Variants in NEDD4 observed in about 807,000 individuals in gnomAD.
NEDD4 encodes E3 ubiquitin-protein ligase NEDD4.
NEDD4 carries 99 observed loss-of-function variants against 144.9 expected under a neutral mutation model. The ratio of observed to expected loss-of-function variants is 0.68; its 90% CI spans 0.58 to 0.81. The LOEUF (loss-of-function observed/expected upper bound fraction) is 0.81, where lower values mean the gene tolerates loss of function less well. NEDD4 is among the 30% of genes least tolerant of loss of function. NEDD4 has a pLI of 0.00. For missense variants in NEDD4, 985 were observed against 1,065.9 expected (o/e 0.92, Z 1.06); for synonymous variants, 318 against 350.6 (o/e 0.91, Z 1.04).
chr15:55,912,598 T>C (rs1410934978), intron 5 of NEDD4, among the ~76,000 whole-genome samples: 1 of 151,964 alleles, frequency 6.6e-6, no homozygotes, highest in Non-Finnish European at 1.5e-5. Context: ...ACATAGGAGA[T>C]TTAGAAAACA....
chr15:55,852,743 TGAGA>T (rs150677409), intron 12 of NEDD4, among the ~76,000 whole-genome samples, 200 bp from the exon 13 acceptor site: 4 of 139,504 alleles, frequency 2.9e-5, no homozygotes, highest in Middle Eastern at 3.8e-3. Context: ...TCTGAGAGAG[TGAGA>T]GAGAGAGAGA....
At chr15:55,952,958 C>G (rs1287026399) in intron 2 of NEDD4, among the ~76,000 whole-genome samples, 1 of 151,728 alleles carries the variant, frequency 6.6e-6, no homozygotes, top group African/African-American at 2.4e-5. Flanking sequence ...TGCCAGACAC[C>G]ACTGTAATCA....
intron 5 of NEDD4, among the ~76,000 whole-genome samples, chr15:55,912,414 G>T (rs1279596582): frequency 1.3e-5 from 2 of 151,650 alleles, no homozygotes; most frequent in African/African-American, 4.8e-5. Context: ...ACCTATTTAG[G>T]ATTAAGTTAC....
intron 5 of NEDD4, among the ~76,000 whole-genome samples, chr15:55,874,242 A>G (rs925457118): frequency 2.5e-4 from 38 of 152,162 alleles, no homozygotes; most frequent in African/African-American, 8.7e-4. Context: ...AAAATACTAA[A>G]AGAGCTATTT....
intron 17 of NEDD4, among the ~76,000 whole-genome samples, chr15:55,847,343 T>G (rs1343618687): frequency 6.6e-6 from 1 of 152,208 alleles, no homozygotes; most frequent in Non-Finnish European, 1.5e-5. Context: ...AATTTCCATT[T>G]CTAAAGAGAC....
chr15:55,913,816 GTATTTCTACAAA>G (rs1328179990), intron 5 of NEDD4, among the ~76,000 whole-genome samples: 1 of 151,828 alleles, frequency 6.6e-6, no homozygotes, highest in Non-Finnish European at 1.5e-5. Flanking sequence ...CTATTTTAAG[GTATTTCTACAAA>G]TATTTCTACA....
intron 5 of NEDD4, among the ~76,000 whole-genome samples, chr15:55,875,461 C>T (rs1346766457): frequency 3.9e-5 from 6 of 152,042 alleles, no homozygotes; most frequent in African/African-American, 1.4e-4. Context: ...CAGGCATGCA[C>T]CATGCACTAC....
At chr15:55,916,579 TG>T in intron 5 of NEDD4, 1 of 1,614,086 alleles carries the variant, frequency 6.2e-7, no homozygotes, top group Non-Finnish European at 8.5e-7. Context: ...TGTAGACAGC[TG>T]CTCTTTTTAT....
chr15:55,870,511 T>C (rs964324252), intron 7 of NEDD4, among the ~76,000 whole-genome samples: 52 of 138,184 alleles, frequency 3.8e-4, no homozygotes, highest in African/African-American at 1.3e-3. Context: ...CTGCTTTTTT[T>C]TTCTTCTTCT....
At chr15:55,920,769 T>C (rs4774835) in intron 5 of NEDD4, among the ~76,000 whole-genome samples, 151,131 of 152,348 alleles carry the variant, frequency 0.99, 74,969 homozygotes, top group Non-Finnish European at 1. Context: ...ACACAGGTCA[T>C]TTGTTGCTAT....
chr15:55,864,592 G>C (rs1038943459), intron 8 of NEDD4, among the ~76,000 whole-genome samples: 10 of 150,854 alleles, frequency 6.6e-5, no homozygotes, highest in African/African-American at 1.7e-4. Context: ...TGAGGCAGGA[G>C]AATCACTTGA....
intron 7 of NEDD4, among the ~76,000 whole-genome samples, chr15:55,870,696 G>A (rs2034760303): frequency 6.6e-6 from 1 of 151,866 alleles, no homozygotes; most frequent in African/African-American, 2.4e-5. Flanking sequence ...GCCATGCCCG[G>A]TTAATTTTTG....
chr15:55,921,496 T>C (rs541275460), intron 5 of NEDD4, among the ~76,000 whole-genome samples: 43 of 152,126 alleles, frequency 2.8e-4, no homozygotes, highest in African/African-American at 1.0e-3. Flanking sequence ...GGCTAAATTT[T>C]GTATTTTTAG....
chr15:55,943,771 T>A (rs1421721975), intron 4 of NEDD4, among the ~76,000 whole-genome samples: 1 of 152,158 alleles, frequency 6.6e-6, no homozygotes, highest in Non-Finnish European at 1.5e-5. Context: ...CTAGTGGAGC[T>A]GTGAGAAGTA....
intron 5 of NEDD4, among the ~76,000 whole-genome samples, chr15:55,881,568 G>A (rs536071553): frequency 1.3e-5 from 2 of 152,226 alleles, no homozygotes; most frequent in South Asian, 2.1e-4. Context: ...CAGGATGACT[G>A]AGGAATAAAA....
intron 2 of NEDD4, among the ~76,000 whole-genome samples, chr15:55,954,895 G>T (rs183363550): frequency 1.5e-3 from 231 of 151,842 alleles, no homozygotes; most frequent in African/African-American, 5.5e-3. Context: ...TATATATAGG[G>T]GGTTAATGGC....
intron 4 of NEDD4, among the ~76,000 whole-genome samples, chr15:55,942,354 G>A (rs1173021185): frequency 1.3e-5 from 2 of 152,110 alleles, no homozygotes; most frequent in Non-Finnish European, 2.9e-5. Flanking sequence ...TTGGAATTAT[G>A]TCTCTGCCAA....
At chr15:55,863,949 T>C (rs1327234229) in intron 8 of NEDD4, among the ~76,000 whole-genome samples, 1 of 152,202 alleles carries the variant, frequency 6.6e-6, no homozygotes, top group East Asian at 1.9e-4. Flanking sequence ...ATTTCTCTCT[T>C]TCTCCTCTGG....
intron 4 of NEDD4, among the ~76,000 whole-genome samples, chr15:55,942,213 T>C (rs1007652980): frequency 6.6e-6 from 1 of 152,228 alleles, no homozygotes; most frequent in Non-Finnish European, 1.5e-5. Context: ...TGTCTTCTTG[T>C]TGAATTCACT....
Sources: gnomAD v4.1 joint callset for allele counts (sites outside exome capture counted in the v4.1 genomes callset) on GRCh38, gnomAD v4.1.1 for gene constraint, MANE v1.5 for transcripts, NCBI Gene and HGNC (gene_info 2026-07-23, HGNC 2026-07-21) for gene names.